The following ZDHHC15 variants were observed in gnomAD, a reference collection of about 807,000 sequenced individuals.
The protein encoded by ZDHHC15 is zDHHC palmitoyltransferase 15.
Under a neutral mutation model 31.7 loss-of-function variants are expected in ZDHHC15, and 19 were observed. The observed-to-expected ratio is 0.60, with a 90% CI of 0.42 to 0.88. ZDHHC15 has a LOEUF of 0.88. Among genes scored for constraint, ZDHHC15 ranks in the 40% least tolerant of loss-of-function variants. The pLI is 0.00. For missense variants in ZDHHC15, 209 were observed against 251.2 expected (o/e 0.83, Z 1.14); for synonymous variants, 103 against 90.0 (o/e 1.14, Z -0.82).
At chrX:75,489,458 A>G (rs2084835677) in intron 2 of ZDHHC15, among the ~76,000 whole-genome samples, 1 of 111,899 alleles carries the variant, frequency 8.9e-6, no homozygotes, top group Non-Finnish European at 1.9e-5. Flanking sequence ...TGCAGCCTCC[A>G]CTGCTGATAC....
At chrX:75,429,702 C>A (rs2083755601) in intron 6 of ZDHHC15, among the ~76,000 whole-genome samples, 1 of 111,736 alleles carries the variant, frequency 8.9e-6, no homozygotes, top group Non-Finnish European at 1.9e-5. Context: ...CATTACTATG[C>A]TCAATTGCTA....
At chrX:75,477,523 T>A (rs1423765715) in intron 3 of ZDHHC15, among the ~76,000 whole-genome samples, 4 of 111,919 alleles carry the variant, frequency 3.6e-5, no homozygotes, top group Non-Finnish European at 7.5e-5. Flanking sequence ...TTTTGCTTCT[T>A]ATAATTTGGG....
intron 2 of ZDHHC15, among the ~76,000 whole-genome samples, chrX:75,497,748 C>G (rs1223394623): frequency 9.0e-6 from 1 of 110,946 alleles, no homozygotes; most frequent in Non-Finnish European, 1.9e-5. Flanking sequence ...TCAATAGACA[C>G]AGAAAAAGCA....
intron 3 of ZDHHC15, among the ~76,000 whole-genome samples, chrX:75,456,128 A>G (rs1170530026): frequency 8.9e-6 from 1 of 111,819 alleles, no homozygotes; most frequent in Non-Finnish European, 1.9e-5. Context: ...GATAGACTGG[A>G]TTAAGAAAAT....
At chrX:75,517,409 A>T (rs1008797536) in intron 1 of ZDHHC15, among the ~76,000 whole-genome samples, 5 of 110,089 alleles carry the variant, frequency 4.5e-5, no homozygotes, top group African/African-American at 1.7e-4. Flanking sequence ...ATGCATCCAT[A>T]AAAAAGGATG....
chrX:75,402,504 A>C (rs1417591547), intron 10 of ZDHHC15, among the ~76,000 whole-genome samples: 1 of 111,316 alleles, frequency 9.0e-6, no homozygotes, highest in African/African-American at 3.3e-5. Context: ...AGCTAGACTA[A>C]TTAAGAAGAA....
In ZDHHC15 at chrX:75,497,835, C is replaced by T. The variant is rs768936984; in HGVS notation, c.163+7986G>A. Among the ~76,000 whole-genome samples the T allele has an allele frequency of 9.9e-5, 11 of 110,622 alleles. No homozygotes were observed. The East Asian group carries it at 1.4e-3, about 14-fold the overall frequency. On this transcript the variant is annotated intron_variant, in intron 2 of 11. Coordinates refer to ENST00000373367, the MANE Select transcript of ZDHHC15 (RefSeq NM_144969.3). ...ATAGAAGGGATACACCTTATGGCAA[C>T]GAAAGCCATCTATGACAAACACACA... is the stretch of plus-strand genomic sequence containing the variant.
At chrX:75,386,620 T>G (rs970791391) in intron 10 of ZDHHC15, among the ~76,000 whole-genome samples, 1 of 109,715 alleles carries the variant, frequency 9.1e-6, no homozygotes, top group African/African-American at 3.3e-5. Context: ...GGACTACAGA[T>G]GCACACCACG....
chrX:75,463,096 C>T lies in ZDHHC15; in HGVS notation c.259-12174G>A, dbSNP rs1226323701. Among the ~76,000 whole-genome samples, 3 of 111,237 alleles carry T rather than the reference C, an allele frequency of 2.7e-5. No homozygotes were observed. In the Admixed American group the frequency reaches 2.9e-4, roughly 11 times the overall value. On this transcript the variant is annotated intron_variant, in intron 3 of 11. Transcript: ENST00000373367. ...GATCAGGGGATATCACCACTGATCC[C>T]ACAGAAATACAAACAACCATCAGAG...
chrX:75,400,646 T>A (rs756876139), intron 10 of ZDHHC15, among the ~76,000 whole-genome samples: 1 of 111,692 alleles, frequency 9.0e-6, no homozygotes. Context: ...TGCAAGATTC[T>A]ACACAAGAAG....
intron 4 of ZDHHC15, among the ~76,000 whole-genome samples, chrX:75,433,713 A>G (rs1022920179): frequency 1.9e-5 from 2 of 105,095 alleles, no homozygotes; most frequent in African/African-American, 7.0e-5. Flanking sequence ...ATATATATAT[A>G]TATATGTAAC....
chrX:75,483,841 A>C (rs1275730045), intron 2 of ZDHHC15, among the ~76,000 whole-genome samples: 2 of 110,906 alleles, frequency 1.8e-5, no homozygotes, highest in African/African-American at 6.6e-5. Flanking sequence ...ACACCCACCC[A>C]CACACACACA....
chrX:75,382,447 C>T (rs2083124043), intron 10 of ZDHHC15, among the ~76,000 whole-genome samples: 1 of 111,414 alleles, frequency 9.0e-6, no homozygotes, highest in South Asian at 3.8e-4. Flanking sequence ...GTCTCGCTAC[C>T]CAAAGGAGTA....
intron 3 of ZDHHC15, among the ~76,000 whole-genome samples, chrX:75,478,654 C>A (rs2084642481): frequency 1.8e-5 from 2 of 111,697 alleles, no homozygotes; most frequent in Admixed American, 1.9e-4. Flanking sequence ...GTTGGGAATA[C>A]AGGTGTGAGC....
At chrX:75,385,319 C>T (rs921669504) in intron 10 of ZDHHC15, among the ~76,000 whole-genome samples, 1 of 111,119 alleles carries the variant, frequency 9.0e-6, no homozygotes, top group Non-Finnish European at 1.9e-5. Context: ...CCAGGGATTA[C>T]AGCAATCTCT....
chrX:75,487,725 A>G (rs1301428027), intron 2 of ZDHHC15, among the ~76,000 whole-genome samples: 1 of 112,381 alleles, frequency 8.9e-6, no homozygotes, highest in Non-Finnish European at 1.9e-5. Context: ...TTGATTATTA[A>G]GCTACTCAAG....
At position 75,493,441 on chromosome X, in the gene ZDHHC15, C is replaced by A. The variant is rs367983741; in HGVS notation, c.163+12380G>T. On this transcript the variant is annotated intron_variant, in intron 2 of 11. Coordinates refer to ENST00000373367, the MANE Select transcript of ZDHHC15 (RefSeq NM_144969.3). ...TCCCTAATTCATTTTATGAGGCCAG[C>A]ATCATCCTGATACCAAAGCCTGGCA... Among the ~76,000 whole-genome samples, 58 of 111,857 alleles carry A rather than the reference C, an allele frequency of 5.2e-4. No homozygotes were observed. In the East Asian group the frequency reaches 0.011, roughly 21 times the overall value.
chrX:75,391,060 C>T (rs1297058334), intron 10 of ZDHHC15, among the ~76,000 whole-genome samples: 1 of 111,623 alleles, frequency 9.0e-6, no homozygotes, highest in Non-Finnish European at 1.9e-5. Context: ...AATTCTTGAG[C>T]TGAAAAATTC....
At chrX:75,460,596 T>A (rs1284116399) in intron 3 of ZDHHC15, among the ~76,000 whole-genome samples, 3 of 110,305 alleles carry the variant, frequency 2.7e-5, no homozygotes, top group Non-Finnish European at 5.7e-5. Context: ...AAGGCTGCCA[T>A]CTTTGTTGTT....
Sources: allele counts gnomAD v4.1 joint callset (sites outside exome capture counted in the v4.1 genomes callset), GRCh38; gene constraint gnomAD v4.1.1; transcripts MANE v1.5; gene names NCBI Gene and HGNC (gene_info 2026-07-23, HGNC 2026-07-21).